The following MMP26 variants were observed in gnomAD, a reference collection of about 807,000 sequenced individuals.
The protein encoded by MMP26 is matrix metalloproteinase-26.
Under a neutral mutation model 31.0 loss-of-function variants are expected in MMP26, and 33 were observed. The ratio of observed to expected loss-of-function variants is 1.06; its 90% CI spans 0.81 to 1.42. The LOEUF (loss-of-function observed/expected upper bound fraction) is 1.42, where lower values mean the gene tolerates loss of function less well. Among genes scored for constraint, MMP26 ranks in the 40% most tolerant of loss-of-function variants. The probability of loss-of-function intolerance (pLI) is 0.00; values close to 1 mark genes in which losing one functional copy is unlikely to be tolerated. For synonymous variants in MMP26, 122 were observed against 114.9 expected (o/e 1.06, Z -0.40); for missense variants, 347 against 316.1 (o/e 1.10, Z -0.74).
At chr11:4,936,270 A>C (rs200739695) in intron 2 of MMP26, among the ~76,000 whole-genome samples, 26,513 of 150,114 alleles carry the variant, frequency 0.18, 2,527 homozygotes, top group South Asian at 0.37. Context: ...TTATTGATCT[A>C]TTCAGAGATT....
chr11:4,872,975 A>T (rs1850331037), intron 2 of MMP26, among the ~76,000 whole-genome samples: 1 of 152,080 alleles, frequency 6.6e-6, no homozygotes, highest in Non-Finnish European at 1.5e-5. Context: ...CAGTACACTC[A>T]TGTGTCTCAT....
intron 2 of MMP26, chr11:4,947,142 G>A: frequency 9.9e-7 from 1 of 1,010,992 alleles, no homozygotes; most frequent in South Asian, 1.9e-5. Flanking sequence ...ACAGATGCTT[G>A]TGTTGGTAAA....
At position 4,848,145 on chromosome 11, in the gene MMP26, G is replaced by A. The variant is rs543911134; in HGVS notation, c.-145+80804G>A. 2.2e-5 allele frequency: 30 copies of A among 1,346,340 alleles called. No individual in the cohort carries two copies. In the African/African-American group the frequency reaches 2.6e-4, roughly 12 times the overall value. 83.4% of individuals were successfully genotyped at this position (1,346,340 alleles called of 1,614,324 possible). A position where few individuals can be genotyped will look rare whatever the true frequency, so the allele number is the denominator to read the frequency against. Reference sequence around the variant, plus strand: ...TGCACATATATGCACTTATGTGTACGTGAATGATCATTTCATGCTTGGTGA... The same window carrying A: ...TGCACATATATGCACTTATGTGTACATGAATGATCATTTCATGCTTGGTGA... On this transcript the variant is annotated intron_variant, in intron 2 of 7. Coordinates refer to ENST00000380390, the MANE Select transcript of MMP26 (RefSeq NM_021801.5).
intron 2 of MMP26, among the ~76,000 whole-genome samples, chr11:4,906,701 G>A (rs1333944343): frequency 6.6e-6 from 1 of 152,168 alleles, no homozygotes; most frequent in Non-Finnish European, 1.5e-5. Flanking sequence ...TACTGCTGAA[G>A]ACTGTATGGA....
intron 2 of MMP26, among the ~76,000 whole-genome samples, chr11:4,820,412 A>G (rs909204834): frequency 2.0e-5 from 3 of 152,094 alleles, no homozygotes; most frequent in Non-Finnish European, 2.9e-5. Context: ...TTATTTTGAT[A>G]CTAGTCTGTG....
At chr11:4,909,204 G>C (rs891094699) in intron 2 of MMP26, 1 of 151,794 alleles carries the variant, frequency 6.6e-6, no homozygotes, top group Admixed American at 6.6e-5. Flanking sequence ...ACGACATTTG[G>C]TACCACAATA....
chr11:4,951,695 A>G lies in MMP26; in HGVS notation c.-144-36373A>G, dbSNP rs539486605. Among the ~76,000 whole-genome samples, 3 of 124,290 alleles carry G rather than the reference A, an allele frequency of 2.4e-5. 1 individual carries two copies. Among genetic ancestry groups the G allele is most frequent in the Non-Finnish European group, 5.5e-5 (3 of 54,832 alleles). The allele number at this position is 124,290 out of a possible 152,430, so 81.5% of individuals were successfully genotyped here. A position where few individuals can be genotyped will look rare whatever the true frequency, so the allele number is the denominator to read the frequency against. On this transcript the variant is annotated intron_variant, in intron 2 of 7. Coordinates refer to ENST00000380390, the MANE Select transcript of MMP26 (RefSeq NM_021801.5). ...GGGGTTGTGGCACAGAGATTGGCAT[A>G]TGAACCAATTGCACCAGTCACATTA...
At chr11:4,964,875 C>T (rs1188885290) in intron 2 of MMP26, among the ~76,000 whole-genome samples, 1 of 152,138 alleles carries the variant, frequency 6.6e-6, no homozygotes, top group East Asian at 1.9e-4. Context: ...TATGGGAACA[C>T]ATGGACACAT....
At chr11:4,977,498 T>C (rs1315503067) in intron 2 of MMP26, among the ~76,000 whole-genome samples, 1 of 151,976 alleles carries the variant, frequency 6.6e-6, no homozygotes, top group Non-Finnish European at 1.5e-5. Flanking sequence ...AAGAAAGAAA[T>C]TCTCAAGAAG....
At chr11:4,807,362 C>T (rs954839649) in intron 2 of MMP26, among the ~76,000 whole-genome samples, 1 of 152,134 alleles carries the variant, frequency 6.6e-6, no homozygotes, top group Non-Finnish European at 1.5e-5. Context: ...GACTTGGAAC[C>T]AACCCAAATG....
intron 2 of MMP26, among the ~76,000 whole-genome samples, chr11:4,881,214 A>G (rs1850457013): frequency 6.6e-6 from 1 of 152,138 alleles, no homozygotes; most frequent in South Asian, 2.1e-4. Flanking sequence ...TTCCACAGGA[A>G]AGATTTCCCC....
chr11:4,768,952 G>C (rs201582272), intron 2 of MMP26: 21 of 1,446,004 alleles, frequency 1.5e-5, no homozygotes, highest in Non-Finnish European at 1.0e-5. Context: ...TTCATGCCAG[G>C]TTTGTATCAA....
intron 2 of MMP26, chr11:4,849,137 G>A (rs202097083): frequency 6.2e-7 from 1 of 1,614,034 alleles, no homozygotes; most frequent in African/African-American, 1.3e-5. Flanking sequence ...GGCCTGGCAT[G>A]CCCACCAGCA....
chr11:4,817,887 A>G (rs1345733141), intron 2 of MMP26, among the ~76,000 whole-genome samples: 1 of 152,062 alleles, frequency 6.6e-6, no homozygotes, highest in Admixed American at 6.5e-5. Context: ...CTGGAGAGTG[A>G]GTAGAAAGGG....
intron 2 of MMP26, chr11:4,943,730 A>T: frequency 2.8e-6 from 1 of 355,588 alleles, no homozygotes; most frequent in Non-Finnish European, 5.6e-6. Flanking sequence ...TTGAGATTTT[A>T]ATCCTCCAAA....
intron 2 of MMP26, among the ~76,000 whole-genome samples, chr11:4,845,071 G>A (rs1849848429): frequency 6.6e-6 from 1 of 151,982 alleles, no homozygotes; most frequent in South Asian, 2.1e-4. Context: ...TACAAAATTA[G>A]CATACAAAAA....
intron 2 of MMP26, among the ~76,000 whole-genome samples, chr11:4,929,089 T>A (rs1243613252): frequency 6.6e-6 from 1 of 152,162 alleles, no homozygotes; most frequent in Non-Finnish European, 1.5e-5. Flanking sequence ...ACAAGTAGTC[T>A]GGAGTCAAAA....
At chr11:4,984,680 A>AT (rs1038195368) in intron 2 of MMP26, among the ~76,000 whole-genome samples, 2 of 151,966 alleles carry the variant, frequency 1.3e-5, no homozygotes, top group South Asian at 2.1e-4. Context: ...TTTATATTTC[A>AT]TTTTTTTCAA....
chr11:4,774,432 G>T (rs1848765670), intron 2 of MMP26, among the ~76,000 whole-genome samples: 1 of 152,118 alleles, frequency 6.6e-6, no homozygotes, highest in African/African-American at 2.4e-5. Context: ...CTTCTTTTGA[G>T]AAGTGTCTGT....
Sources: gnomAD v4.1 joint callset for allele counts (sites outside exome capture counted in the v4.1 genomes callset) on GRCh38, gnomAD v4.1.1 for gene constraint, MANE v1.5 for transcripts, NCBI Gene and HGNC (gene_info 2026-07-23, HGNC 2026-07-21) for gene names.